Variants in TENM4 observed in about 807,000 individuals in gnomAD.
TENM4 encodes the protein teneurin transmembrane protein 4.
In TENM4, 82 loss-of-function variants were observed where a neutral mutation model predicts 243.3. The ratio of observed to expected loss-of-function variants is 0.34; its 90% CI spans 0.28 to 0.40. The LOEUF (loss-of-function observed/expected upper bound fraction) is 0.40, where lower values mean the gene tolerates loss of function less well. TENM4 is among the 10% of genes least tolerant of loss of function. TENM4 has a pLI of 1.00. For synonymous variants in TENM4, 1,412 were observed against 1,456.3 expected, an observed-to-expected ratio of 0.97 and a Z score of 0.69; for missense variants, 3,138 against 3,673.3, an observed-to-expected ratio of 0.85 and a Z score of 3.77.
intron 3 of TENM4, among the ~76,000 whole-genome samples, chr11:79,159,757 G>A (rs113835351): frequency 2.0e-5 from 3 of 152,076 alleles, no homozygotes; most frequent in Non-Finnish European, 4.4e-5. Context: ...TCACTCACTC[G>A]TTCACTCAAT....
chr11:79,397,665 A>C (rs1858374038), intron 1 of TENM4, among the ~76,000 whole-genome samples: 1 of 152,226 alleles, frequency 6.6e-6, no homozygotes, highest in African/African-American at 2.4e-5. Context: ...TTTGTGAGCC[A>C]GGAAGGCAAA....
At chr11:79,181,690 C>A (rs1863284009) in intron 3 of TENM4, among the ~76,000 whole-genome samples, 2 of 150,258 alleles carry the variant, frequency 1.3e-5, no homozygotes, top group Admixed American at 6.6e-5. Flanking sequence ...TGTAAAAGTC[C>A]TGAAAGAACT....
At chr11:79,426,549 C>G (rs146457947) in intron 1 of TENM4, among the ~76,000 whole-genome samples, 1 of 152,196 alleles carries the variant, frequency 6.6e-6, no homozygotes, top group African/African-American at 2.4e-5. Context: ...GAGAGAAGAT[C>G]GGAGTGAACC....
At chr11:79,191,607 G>GC (rs1863494219) in intron 3 of TENM4, 1 of 174,634 alleles carries the variant, frequency 5.7e-6, no homozygotes, top group Admixed American at 6.3e-5. Flanking sequence ...GATGTGAGGA[G>GC]CCCCTCTGCC....
At chr11:79,235,422 G>T (rs1263318597) in intron 2 of TENM4, among the ~76,000 whole-genome samples, 1 of 152,150 alleles carries the variant, frequency 6.6e-6, no homozygotes, top group Non-Finnish European at 1.5e-5. Flanking sequence ...GACCTGGGAC[G>T]GATGAAGCTC....
At position 78,657,930 on chromosome 11, in the gene TENM4, T is replaced by C; in HGVS notation, c.*128A>G. 1 of 1,416,634 alleles carries C rather than the reference T, an allele frequency of 7.1e-7. No individual in the cohort carries two copies. Among genetic ancestry groups the C allele is most frequent in the Non-Finnish European group, 9.9e-7 (1 of 1,008,346 alleles). 87.8% of individuals were successfully genotyped at this position (1,416,634 alleles called of 1,614,324 possible). On this transcript the variant is annotated 3_prime_UTR_variant, in exon 34 of 34. Transcript: ENST00000278550. ...CTAAAAAAAAGGATGTTGCATGAGT[T>C]ACAATGCAACCAGTATCTTTTTGTT...
intron 17 of TENM4, among the ~76,000 whole-genome samples, chr11:78,777,187 T>G (rs1000999627): frequency 6.6e-6 from 1 of 152,140 alleles, no homozygotes; most frequent in Non-Finnish European, 1.5e-5. Context: ...TGATAATGTG[T>G]GAAATGCCTG....
At chr11:78,973,952 C>G (rs536449709) in intron 6 of TENM4, among the ~76,000 whole-genome samples, 1 of 151,836 alleles carries the variant, frequency 6.6e-6, no homozygotes, top group Non-Finnish European at 1.5e-5. Flanking sequence ...GCAGAGGGCC[C>G]CACAACTGCA....
At chr11:78,892,275 G>A (rs1353428738) in intron 7 of TENM4, among the ~76,000 whole-genome samples, 1 of 152,194 alleles carries the variant, frequency 6.6e-6, no homozygotes, top group Non-Finnish European at 1.5e-5. Context: ...GATCTTTTCA[G>A]GACAGCTATC....
intron 3 of TENM4, among the ~76,000 whole-genome samples, chr11:79,169,134 A>C (rs1056483869): frequency 6.6e-6 from 1 of 152,178 alleles, no homozygotes; most frequent in South Asian, 2.1e-4. Context: ...ACCCAGACCC[A>C]CTTCAGATGC....
At chr11:79,398,294 G>A (rs1236192357) in intron 1 of TENM4, among the ~76,000 whole-genome samples, 2 of 151,826 alleles carry the variant, frequency 1.3e-5, no homozygotes, top group South Asian at 2.1e-4. Context: ...GAATCTTCAG[G>A]AGCAGCAGAC....
chr11:79,012,404 G>C (rs1397282985), intron 6 of TENM4, among the ~76,000 whole-genome samples: 3 of 152,134 alleles, frequency 2.0e-5, no homozygotes, highest in Non-Finnish European at 4.4e-5. Context: ...GGGAAGATGG[G>C]TGTTGGTGCT....
At chr11:79,073,896 T>A (rs1437757381) in intron 4 of TENM4, among the ~76,000 whole-genome samples, 1 of 152,192 alleles carries the variant, frequency 6.6e-6, no homozygotes, top group African/African-American at 2.4e-5. Flanking sequence ...TACGGGTAAG[T>A]GTCAGTTATA....
chr11:79,242,152 C>T (rs934712467), intron 2 of TENM4, among the ~76,000 whole-genome samples: 8 of 152,140 alleles, frequency 5.3e-5, no homozygotes, highest in East Asian at 3.8e-4. Context: ...AGGCCTTCCT[C>T]GACAGGGGCT....
At position 78,658,175 on chromosome 11, in the gene TENM4, T is replaced by C; in HGVS notation, c.8193A>G (p.Thr2731=). The C allele has an allele frequency of 5.6e-6, 9 of 1,614,048 alleles. No individual in the cohort carries two copies. Among genetic ancestry groups the C allele is most frequent in the Non-Finnish European group, 7.6e-6 (9 of 1,179,894 alleles). The change falls in exon 34 of 34, where the codon ACA becomes ACG. Residue 2731 remains threonine (T), a synonymous_variant. Coordinates refer to ENST00000278550, the MANE Select transcript of TENM4 (RefSeq NM_001098816.3). ...TEGEKQQVLS[T]GRVQGYDGFF... ...AGCCGTCGTAGCCTTGCACCCGCCC[T>C]GTGCTCAGCACCTGCTGCTTCTCCC...
chr11:79,064,287 TC>T (rs1860181032), intron 6 of TENM4, among the ~76,000 whole-genome samples: 1 of 152,154 alleles, frequency 6.6e-6, no homozygotes, highest in Non-Finnish European at 1.5e-5. Flanking sequence ...TTGGAAGCCA[TC>T]CTCTGAACAA....
intron 2 of TENM4, among the ~76,000 whole-genome samples, chr11:79,271,631 T>C (rs962447080): frequency 6.6e-6 from 1 of 152,160 alleles, no homozygotes. Context: ...ATGGCGGGGC[T>C]GGGTGGAGCC....
intron 1 of TENM4, among the ~76,000 whole-genome samples, chr11:79,415,725 A>G (rs897366604): frequency 2.6e-5 from 4 of 152,228 alleles, no homozygotes; most frequent in Non-Finnish European, 4.4e-5. Context: ...TAACTTAAAC[A>G]TACTTTATTG....
At chr11:78,712,795 C>T (rs905312487) in intron 25 of TENM4, 81 bp from the exon 26 acceptor site, 67 of 1,331,580 alleles carry the variant, frequency 5.0e-5, no homozygotes, top group Non-Finnish European at 5.0e-5. Flanking sequence ...GAACCCCTGG[C>T]CCTTTAGAAT....
Sources: gnomAD v4.1 joint callset for allele counts (sites outside exome capture counted in the v4.1 genomes callset) on GRCh38, gnomAD v4.1.1 for gene constraint, MANE v1.5 for transcripts, NCBI Gene and HGNC (gene_info 2026-07-23, HGNC 2026-07-21) for gene names.